The following TTC6 variants were observed in gnomAD, a reference collection of about 807,000 sequenced individuals.
TTC6 encodes tetratricopeptide repeat protein 6.
A neutral mutation model predicts 210.4 loss-of-function variants in TTC6; 172 were observed. The ratio of observed to expected loss-of-function variants is 0.82; its 90% CI spans 0.72 to 0.93. TTC6 has a LOEUF of 0.93. Ranked by LOEUF, TTC6 falls within the 40% of genes least tolerant of loss-of-function variation. The pLI is 0.00. For synonymous variants in TTC6, 804 were observed against 819.6 expected, an observed-to-expected ratio of 0.98 and a Z score of 0.32; for missense variants, 2,414 against 2,318.1, an observed-to-expected ratio of 1.04 and a Z score of -0.85.
chr14:37,696,307 A>C (rs561805042), intron 3 of TTC6, among the ~76,000 whole-genome samples: 1 of 152,132 alleles, frequency 6.6e-6, no homozygotes, highest in East Asian at 1.9e-4. Context: ...GCATAAGTTT[A>C]TTCTGATAAA....
At chr14:37,796,353 T>C (rs750091282) in exon 19 of TTC6, 4 of 1,230,128 alleles carry the variant, frequency 3.3e-6, no homozygotes, top group South Asian at 1.4e-5. Flanking sequence ...ATTTATCAAA[T>C]AGCAGAAATG....
rs532690678 is a variant in TTC6, at chr14:37,670,474, C to CCTTTTTTTTTTTTTTTTTTTTTTTTTTTT, written c.940-9677_940-9676insCTTTTTTTTTTTTTTTTTTTTTTTTTTTT. On this transcript the variant is annotated intron_variant, in intron 1 of 30. Coordinates refer to ENST00000553443, the Ensembl canonical transcript of TTC6. The stretch of plus-strand genomic sequence containing the variant: ...TAAGGATCTAGCACAAACTACCTCA[C>CCTTTTTTTTTTTTTTTTTTTTTTTTTTTT]TTTTTTTTTTTTTTTTTTTTTAGTC... Among the ~76,000 whole-genome samples the CCTTTTTTTTTTTTTTTTTTTTTTTTTTTT allele has an allele frequency of 4.9e-5, 6 of 121,326 alleles. 3 individuals carry two copies. The highest frequency in any genetic ancestry group is 6.7e-5 in the Non-Finnish European group (4 of 59,544). The allele number at this position is 121,326 out of a possible 152,430, so 79.6% of individuals were successfully genotyped here. A position where few individuals can be genotyped will look rare whatever the true frequency, so the allele number is the denominator to read the frequency against.
At chr14:37,690,568 C>T (rs914462581) in intron 3 of TTC6, among the ~76,000 whole-genome samples, 1 of 151,954 alleles carries the variant, frequency 6.6e-6, no homozygotes. Context: ...CAGAAAAGAG[C>T]AGGAATCTCT....
At chr14:37,674,734 C>T (rs930805825) in intron 1 of TTC6, among the ~76,000 whole-genome samples, 2 of 152,080 alleles carry the variant, frequency 1.3e-5, no homozygotes, top group African/African-American at 2.4e-5. Context: ...AATGGATTTC[C>T]TAATGTTGAA....
chr14:37,678,540 G>C (rs2095775497), intron 1 of TTC6, among the ~76,000 whole-genome samples: 1 of 152,104 alleles, frequency 6.6e-6, no homozygotes, highest in Non-Finnish European at 1.5e-5. Flanking sequence ...ACAAATTCTA[G>C]CCCCTTTGTC....
chr14:37,770,096 C>T (rs897048331), intron 14 of TTC6, among the ~76,000 whole-genome samples: 7 of 152,030 alleles, frequency 4.6e-5, no homozygotes, highest in African/African-American at 1.7e-4. Flanking sequence ...GTTCAGTTTC[C>T]ATGTAGTTGA....
intron 26 of TTC6, among the ~76,000 whole-genome samples, chr14:37,822,714 A>G (rs1243343907): frequency 6.6e-6 from 1 of 152,190 alleles, no homozygotes; most frequent in Non-Finnish European, 1.5e-5. Flanking sequence ...CAGGTATATA[A>G]TAGGTGTAGA....
chr14:37,668,795 A>C (rs904779439), intron 1 of TTC6, among the ~76,000 whole-genome samples: 1 of 152,202 alleles, frequency 6.6e-6, no homozygotes, highest in Non-Finnish European at 1.5e-5. Context: ...CTGAATTTTA[A>C]AATTTCCTGA....
intron 29 of TTC6, among the ~76,000 whole-genome samples, chr14:37,838,666 C>G (rs2096203236): frequency 6.6e-6 from 1 of 151,876 alleles, no homozygotes; most frequent in African/African-American, 2.4e-5. Flanking sequence ...TTTCTTTCTT[C>G]TTTTTTTTCT....
intron 3 of TTC6, among the ~76,000 whole-genome samples, chr14:37,695,469 C>T (rs1276178752): frequency 2.0e-5 from 3 of 152,242 alleles, no homozygotes; most frequent in South Asian, 2.1e-4. Flanking sequence ...ATTCTCCTGC[C>T]TCAGTCTCCT....
At chr14:37,601,562 G>A (rs2095615629) in intron 1 of TTC6, among the ~76,000 whole-genome samples, 1 of 152,172 alleles carries the variant, frequency 6.6e-6, no homozygotes, top group South Asian at 2.1e-4. Context: ...GAAAACAAAG[G>A]TTTTGTGGAA....
intron 20 of TTC6, among the ~76,000 whole-genome samples, chr14:37,800,979 C>T (rs2096105303): frequency 6.6e-6 from 1 of 152,180 alleles, no homozygotes; most frequent in Non-Finnish European, 1.5e-5. Context: ...TAGGAACCCA[C>T]AGGATGACAC....
chr14:37,812,363 T>C (rs769920977), exon 25 of TTC6: 3 of 1,613,476 alleles, frequency 1.9e-6, no homozygotes, highest in Non-Finnish European at 2.5e-6. Context: ...ACAGAAACTG[T>C]AAAACTAAAT....
At chr14:37,796,305 T>G in exon 19 of TTC6, 1 of 1,284,230 alleles carries the variant, frequency 7.8e-7, no homozygotes, top group Non-Finnish European at 1.1e-6. Context: ...GGACAATATC[T>G]TCTTATGATG....
intron 14 of TTC6, among the ~76,000 whole-genome samples, chr14:37,786,906 A>T (rs2096069051): frequency 6.6e-6 from 1 of 152,178 alleles, no homozygotes; most frequent in Admixed American, 6.5e-5. Context: ...TTTGGCATTG[A>T]TCTAAGTCAG....
At chr14:37,622,405 C>T in exon 1 of TTC6, 1 of 1,534,138 alleles carries the variant, frequency 6.5e-7, no homozygotes, top group Non-Finnish European at 8.7e-7. Context: ...AAGACCCGGT[C>T]GTTTCGCCCC....
chr14:37,747,616 C>G (rs1299093151), intron 10 of TTC6, among the ~76,000 whole-genome samples: 1 of 152,118 alleles, frequency 6.6e-6, no homozygotes, highest in East Asian at 1.9e-4. Context: ...ATTTCACTCT[C>G]CTCCTTCCCT....
At chr14:37,663,235 A>T (rs2095741009) in intron 1 of TTC6, among the ~76,000 whole-genome samples, 1 of 152,024 alleles carries the variant, frequency 6.6e-6, no homozygotes, top group African/African-American at 2.4e-5. Flanking sequence ...TTCCTGGTGA[A>T]TTTTGTGCGT....
rs1054388769 is a variant in TTC6, at chr14:37,668,446, A to G, written c.940-11705A>G. Among the ~76,000 whole-genome samples, 6 of 150,414 alleles carry G rather than the reference A, an allele frequency of 4.0e-5. 1 individual carries two copies. The highest frequency in any genetic ancestry group is 9.0e-5 in the Non-Finnish European group (6 of 67,020). The stretch of plus-strand genomic sequence containing the variant: ...CAGCTCTGTTCCATGTGGCACATTT[A>G]GACCAGAGACCTCCATGCAATTTTA... On this transcript the variant is annotated intron_variant, in intron 1 of 30. Transcript: ENST00000553443.
Sources: gnomAD v4.1 joint callset for allele counts (sites outside exome capture counted in the v4.1 genomes callset) on GRCh38, gnomAD v4.1.1 for gene constraint, MANE v1.5 for transcripts, NCBI Gene and HGNC (gene_info 2026-07-23, HGNC 2026-07-21) for gene names.